The following GRID2IP variants were observed in gnomAD, a reference collection of about 807,000 sequenced individuals.
GRID2IP encodes delphilin.
A neutral mutation model predicts 114.3 loss-of-function variants in GRID2IP; 78 were observed. The observed-to-expected ratio is 0.68, with a 90% CI of 0.57 to 0.82. The LOEUF (loss-of-function observed/expected upper bound fraction) is 0.82, where lower values mean the gene tolerates loss of function less well. Ranked by LOEUF, GRID2IP falls within the 40% of genes least tolerant of loss-of-function variation. The pLI is 0.00. For synonymous variants in GRID2IP, 809 were observed against 724.0 expected, an observed-to-expected ratio of 1.12 and a Z score of -1.89; for missense variants, 1,727 against 1,678.5, an observed-to-expected ratio of 1.03 and a Z score of -0.51.
intron 1 of GRID2IP, among the ~76,000 whole-genome samples, chr7:6,540,679 C>A (rs1228119899): frequency 1.5e-5 from 2 of 129,594 alleles, no homozygotes; most frequent in African/African-American, 6.0e-5. Context: ...TGTGACCACA[C>A]CTGGCTAATT....
In GRID2IP at chr7:6,526,730, C is replaced by T. The variant is rs1452140306; in HGVS notation, c.624G>A (p.Glu208=). ...IPKKHRARFD[E]VVSQGLLGKL... Reference sequence around the variant, plus strand: ...TGCCCAGGAGGCCCTGAGACACCACCTCGTCGAAGCGCGCCCGGTGCTTCT... The same window carrying T: ...TGCCCAGGAGGCCCTGAGACACCACTTCGTCGAAGCGCGCCCGGTGCTTCT... The change falls in exon 3 of 22, where the codon GAG becomes GAA. Residue 208 remains glutamate (E), a synonymous_variant. Transcript: ENST00000457091. This position sits in a 1 kb window ranked among gnomAD's most constrained non-coding sequence, Gnocchi z 7.6. The T allele has an allele frequency of 1.3e-6, 2 of 1,525,198 alleles. No homozygotes were observed. Among genetic ancestry groups the T allele is most frequent in the East Asian group, 2.7e-5 (1 of 37,264 alleles). 94.5% of individuals were successfully genotyped at this position (1,525,198 alleles called of 1,614,324 possible). A position where few individuals can be genotyped will look rare whatever the true frequency, so the allele number is the denominator to read the frequency against.
chr7:6,527,534 A>AG (rs1779538488), intron 2 of GRID2IP, among the ~76,000 whole-genome samples: 2 of 152,200 alleles, frequency 1.3e-5, no homozygotes, highest in Non-Finnish European at 2.9e-5. Context: ...AGTGAGAGGC[A>AG]GGGGGAAGGC....
At chr7:6,522,125 G>T (rs1017183224) in intron 4 of GRID2IP, among the ~76,000 whole-genome samples, 168 bp from the exon 5 acceptor site, 3 of 152,144 alleles carry the variant, frequency 2.0e-5, no homozygotes, top group Non-Finnish European at 4.4e-5. Flanking sequence ...CAAGGCAGGA[G>T]GATCGCTTGA....
intron 1 of GRID2IP, among the ~76,000 whole-genome samples, chr7:6,549,259 C>A (rs139164922): frequency 6.6e-6 from 1 of 152,144 alleles, no homozygotes; most frequent in Admixed American, 6.5e-5. Flanking sequence ...GGCCTGAGAC[C>A]GACTCTATCC....
At chr7:6,505,470 C>A (rs1296393594) in intron 14 of GRID2IP, among the ~76,000 whole-genome samples, 1 of 151,230 alleles carries the variant, frequency 6.6e-6, no homozygotes, top group African/African-American at 2.4e-5. Flanking sequence ...GAGGCTCAAT[C>A]GATCCTCCCA....
At chr7:6,502,183 G>A in intron 18 of GRID2IP, 65 bp from the exon 19 acceptor site, 1 of 1,426,878 alleles carries the variant, frequency 7.0e-7, no homozygotes, top group Non-Finnish European at 9.6e-7. Context: ...CATGGGCCCA[G>A]CTTCTCCTGG....
intron 8 of GRID2IP, among the ~76,000 whole-genome samples, chr7:6,512,083 A>AT (rs548008337): frequency 0.034 from 4,746 of 139,772 alleles, 91 homozygotes; most frequent in Admixed American, 0.06. Context: ...AAATTTTTGT[A>AT]TTTTTTTTTT....
At chr7:6,515,233 G>T (rs181573250) in intron 7 of GRID2IP, among the ~76,000 whole-genome samples, 1 of 150,648 alleles carries the variant, frequency 6.6e-6, no homozygotes, top group East Asian at 2.0e-4. Flanking sequence ...AGGCCGAGGC[G>T]GTTGGATCAC....
rs1779719467 is a variant in GRID2IP at position 6,536,167 on chromosome 7, T to G, written c.584+3551A>C. On this transcript the variant is annotated intron_variant, in intron 2 of 21. Coordinates refer to ENST00000457091, the MANE Select transcript of GRID2IP (RefSeq NM_001145118.2). The surrounding 1 kb of genome is among the most constrained non-coding windows in gnomAD (Gnocchi z 5.3). Reference sequence around the variant, plus strand: ...TGACTGGCCAGCCCTGGGGAGGGGGTTGTTGGGAAGTAGGGGGTTTGAAGA... The same window carrying G: ...TGACTGGCCAGCCCTGGGGAGGGGGGTGTTGGGAAGTAGGGGGTTTGAAGA... Among the ~76,000 whole-genome samples the G allele has an allele frequency of 1.3e-5, 2 of 149,456 alleles. No individual in the cohort carries two copies. The highest frequency in any genetic ancestry group is 2.1e-4 in the South Asian group (1 of 4,658).
Position 6,551,389 on chromosome 7 carries a change from G to C in GRID2IP, c.48C>G (p.Asp16Glu), listed in dbSNP as rs1779979687. The C allele has an allele frequency of 1.3e-6, 2 of 1,547,990 alleles. No homozygotes were observed. The highest frequency in any genetic ancestry group is 1.7e-6 in the Non-Finnish European group (2 of 1,145,798). The change falls in exon 1 of 22, where the codon GAC becomes GAG. Residue 16 changes from aspartate (D) to glutamate (E), a missense_variant. By Grantham distance (45) the Asp-to-Glu change is conservative. Transcript: ENST00000457091. ...TPATNQGWPE[D>E]FGFRLGGSGP... is the part of the protein sequence containing the mutation. ...CAGAGCCACCTAGCCGGAAGCCAAA[G>C]TCCTCTGGCCAGCCCTGGTTCGTGG...
rs1786620476 is a variant in GRID2IP at position 6,507,240 on chromosome 7, C to A, written c.2544+745G>T. ...GCCATATTAAAAGGAGTATGATGTC[C>A]CAGTCAAAGGAGCTGAGAACCCTGT... is the stretch of plus-strand genomic sequence containing the variant. On this transcript the variant is annotated intron_variant, in intron 13 of 21. Coordinates refer to ENST00000457091, the MANE Select transcript of GRID2IP (RefSeq NM_001145118.2). This position sits in a 1 kb window ranked among gnomAD's most constrained non-coding sequence, Gnocchi z 5.3. 6.6e-6 allele frequency among the ~76,000 whole-genome samples: 1 copy of A among 152,178 alleles called. No homozygotes were observed. The highest frequency in any genetic ancestry group is 2.1e-4 in the South Asian group (1 of 4,828).
chr7:6,527,963 G>C (rs1779547615), intron 2 of GRID2IP, among the ~76,000 whole-genome samples: 1 of 152,012 alleles, frequency 6.6e-6, no homozygotes, highest in African/African-American at 2.4e-5. Context: ...TCACCATGTT[G>C]GCCAGGCTGG....
At position 6,509,125 on chromosome 7, in the gene GRID2IP, G is replaced by C. The variant is rs1214477818; in HGVS notation, c.1960C>G (p.Pro654Ala). 4.7e-6 allele frequency: 7 copies of C among 1,475,604 alleles called. No individual in the cohort carries two copies. In the Admixed American group the frequency reaches 6.7e-5, roughly 14 times the overall value. The allele number at this position is 1,475,604 out of a possible 1,614,324, so 91.4% of individuals were successfully genotyped here. ...GGCGGGCGGGTGGGGTCCGGGCTTG[G>C]GGGGCTGTCGGGGCAGATGGGCCCG... ...GPGPICPDSP[P>A]SPDPTRPPSR... Residue 654 changes from proline (P) to alanine (A), a missense_variant, in exon 12 of 22, where the codon CCA becomes GCA. Pro to Ala is a conservative substitution (Grantham distance 27). Coordinates refer to ENST00000457091, the MANE Select transcript of GRID2IP (RefSeq NM_001145118.2). This position sits in a 1 kb window ranked among gnomAD's most constrained non-coding sequence, Gnocchi z 4.9.
intron 1 of GRID2IP, among the ~76,000 whole-genome samples, chr7:6,544,297 G>C (rs1317488489): frequency 7.2e-6 from 1 of 139,106 alleles, no homozygotes; most frequent in African/African-American, 2.5e-5. Context: ...TGTTTTTTTT[G>C]AGATGGAGTG....
Position 6,504,883 on chromosome 7 carries a change from C to CT in GRID2IP, c.2633-14dup. On this transcript the variant is annotated splice_polypyrimidine_tract_variant and intron_variant, in intron 14 of 21. Transcript: ENST00000457091. ...CCCGGCACCGGTTCTGGAAAAGAAA[C>CT]TGACAGTTTACGGAGGCGGCTAGGC... 1.9e-6 allele frequency: 3 copies of CT among 1,550,824 alleles called. No homozygotes were observed. The highest frequency in any genetic ancestry group is 1.7e-6 in the Non-Finnish European group (2 of 1,146,600).
Position 6,497,713 on chromosome 7 carries a change from G to T in GRID2IP, c.*61C>A. 7.7e-7 allele frequency: 1 copy of T among 1,300,922 alleles called. No individual in the cohort carries two copies. The highest frequency in any genetic ancestry group is 1.3e-5 in the South Asian group (1 of 75,732). The allele number at this position is 1,300,922 out of a possible 1,614,324, so 80.6% of individuals were successfully genotyped here. On this transcript the variant is annotated 3_prime_UTR_variant, in exon 22 of 22. Transcript: ENST00000457091. ...GTGGCCCCGGACCTCGGCAGTGTCT[G>T]GGCTGCCCTCTCGGCCTCCATCTCC...
Position 6,530,941 on chromosome 7 carries a change from G to C in GRID2IP, c.585-4172C>G, listed in dbSNP as rs1334052951. The stretch of plus-strand genomic sequence containing the variant: ...CTCGGGCTCCGCCCAGGCTCGGAGG[G>C]TGCCCACCCAGGGCAGGGAAGCCCC... On this transcript the variant is annotated intron_variant, in intron 2 of 21. Transcript: ENST00000457091. The C allele has an allele frequency of 1.2e-5, 6 of 500,798 alleles. No homozygotes were observed. In the African/African-American group the frequency reaches 1.2e-4, roughly 10 times the overall value. The allele number at this position is 500,798 out of a possible 1,614,324, so 31.0% of individuals were successfully genotyped here.
chr7:6,548,378 T>C (rs1190040946), intron 1 of GRID2IP, among the ~76,000 whole-genome samples: 1 of 151,588 alleles, frequency 6.6e-6, no homozygotes, highest in East Asian at 1.9e-4. Flanking sequence ...ACTTAAACGG[T>C]GTAGATGGAT....
intron 15 of GRID2IP, among the ~76,000 whole-genome samples, chr7:6,504,122 G>A (rs992387825): frequency 1.6e-4 from 25 of 151,538 alleles, no homozygotes; most frequent in African/African-American, 5.3e-4. Context: ...CTAGAGGGGT[G>A]GGGGTCAATG....
Sources: allele counts gnomAD v4.1 joint callset (sites outside exome capture counted in the v4.1 genomes callset), GRCh38; gene constraint gnomAD v4.1.1; non-coding constraint Gnocchi (gnomAD v3.1); transcripts MANE v1.5; gene names NCBI Gene and HGNC (gene_info 2026-07-23, HGNC 2026-07-21).